Variants in NAALADL2 observed in about 807,000 individuals in gnomAD.
NAALADL2 encodes the protein N-acetylated alpha-linked acidic dipeptidase like 2.
NAALADL2 carries 76 observed loss-of-function variants against 87.2 expected under a neutral mutation model. The ratio of observed to expected loss-of-function variants is 0.87; its 90% CI spans 0.72 to 1.05. The LOEUF (loss-of-function observed/expected upper bound fraction) is 1.05, where lower values mean the gene tolerates loss of function less well. Among genes scored for constraint, NAALADL2 ranks in the 50% least tolerant of loss-of-function variants. The pLI, the probability that NAALADL2 is intolerant of heterozygous loss-of-function variation, is 0.00. For missense variants in NAALADL2, 1,089 were observed against 945.8 expected, an observed-to-expected ratio of 1.15 and a Z score of -1.99; for synonymous variants, 354 against 331.0, an observed-to-expected ratio of 1.07 and a Z score of -0.75.
intron 1 of NAALADL2, among the ~76,000 whole-genome samples, chr3:174,444,108 A>G (rs1714868152): frequency 6.6e-6 from 1 of 152,176 alleles, no homozygotes; most frequent in Non-Finnish European, 1.5e-5. Context: ...TTGTGATACT[A>G]ATGAGAAGGA....
chr3:175,269,963 C>A (rs1752558575), intron 4 of NAALADL2, among the ~76,000 whole-genome samples: 2 of 152,084 alleles, frequency 1.3e-5, no homozygotes, highest in Admixed American at 6.6e-5. Context: ...AAATTAATAA[C>A]TGGTGAAGTC....
intron 5 of NAALADL2, among the ~76,000 whole-genome samples, chr3:175,442,849 T>G (rs2149208158): frequency 6.6e-6 from 1 of 152,330 alleles, no homozygotes; most frequent in Non-Finnish European, 1.5e-5. Context: ...AAGCTAAAAG[T>G]TAAAGTGCTA....
chr3:175,240,389 A>T (rs890424980), intron 3 of NAALADL2, among the ~76,000 whole-genome samples: 6 of 152,194 alleles, frequency 3.9e-5, no homozygotes, highest in African/African-American at 1.4e-4. Flanking sequence ...ATAACCTACA[A>T]TCAGATGCCT....
chr3:175,591,651 TGCCAA>T (rs1721464750), intron 10 of NAALADL2, among the ~76,000 whole-genome samples: 1 of 151,954 alleles, frequency 6.6e-6, no homozygotes, highest in Non-Finnish European at 1.5e-5. Context: ...TGAAGTTCAG[TGCCAA>T]GTAATTTCTG....
intron 3 of NAALADL2, among the ~76,000 whole-genome samples, chr3:174,756,206 TA>T (rs1190005944): frequency 6.6e-6 from 1 of 152,230 alleles, no homozygotes; most frequent in African/African-American, 2.4e-5. Flanking sequence ...AATGTTTCCT[TA>T]AGGAATCATT....
intron 4 of NAALADL2, among the ~76,000 whole-genome samples, chr3:175,262,526 C>G (rs1319186157): frequency 6.6e-6 from 1 of 150,792 alleles, no homozygotes; most frequent in Non-Finnish European, 1.5e-5. Context: ...ATGCAATGGG[C>G]ACAAAAAAGG....
At chr3:175,152,834 G>A (rs1013888049) in intron 2 of NAALADL2, among the ~76,000 whole-genome samples, 2 of 151,948 alleles carry the variant, frequency 1.3e-5, no homozygotes, top group African/African-American at 2.4e-5. Context: ...TTGAACCCAG[G>A]AGGCAGAGGA....
chr3:175,106,080 C>A (rs1257193876), intron 2 of NAALADL2, among the ~76,000 whole-genome samples: 1 of 152,004 alleles, frequency 6.6e-6, no homozygotes, highest in Non-Finnish European at 1.5e-5. Context: ...CATCTCTCTT[C>A]TCCTCAGCCC....
intron 9 of NAALADL2, among the ~76,000 whole-genome samples, chr3:175,508,834 G>T (rs927123080): frequency 6.6e-6 from 1 of 151,918 alleles, no homozygotes; most frequent in African/African-American, 2.4e-5. Context: ...AAGATCAGAG[G>T]ACTATGCGCG....
intron 11 of NAALADL2, among the ~76,000 whole-genome samples, chr3:175,699,553 C>T (rs974794999): frequency 2.0e-5 from 3 of 152,020 alleles, no homozygotes; most frequent in African/African-American, 7.2e-5. Flanking sequence ...CTCTACCCCT[C>T]AGTTACTTGA....
chr3:175,317,353 A>G (rs1240735956), intron 4 of NAALADL2, among the ~76,000 whole-genome samples: 4 of 42,924 alleles, frequency 9.3e-5, no homozygotes, highest in Admixed American at 8.9e-4. Flanking sequence ...TAGCACATTA[A>G]AAAAAAAATG....
intron 2 of NAALADL2, among the ~76,000 whole-genome samples, chr3:175,157,769 A>G (rs1732541323): frequency 6.6e-6 from 1 of 152,108 alleles, no homozygotes; most frequent in Non-Finnish European, 1.5e-5. Context: ...CTCGTAGAAC[A>G]GTGTCTATCC....
At chr3:175,227,036 A>G (rs1310766599) in intron 2 of NAALADL2, among the ~76,000 whole-genome samples, 1 of 152,128 alleles carries the variant, frequency 6.6e-6, no homozygotes, top group African/African-American at 2.4e-5. Flanking sequence ...ATCACCCGGT[A>G]TAGTATGAGT....
intron 1 of NAALADL2, among the ~76,000 whole-genome samples, chr3:174,894,765 C>G (rs954140838): frequency 6.6e-6 from 1 of 151,748 alleles, no homozygotes; most frequent in Non-Finnish European, 1.5e-5. Context: ...ATGGATTATT[C>G]TCAAAAACAG....
intron 1 of NAALADL2, among the ~76,000 whole-genome samples, chr3:174,875,321 G>T (rs538035292): frequency 2.0e-5 from 3 of 152,020 alleles, no homozygotes; most frequent in Non-Finnish European, 4.4e-5. Flanking sequence ...AAAAGCAGGA[G>T]TGAAAAGAGT....
Position 174,897,733 on chromosome 3 carries a change from A to G in NAALADL2, c.43+38283A>G, listed in dbSNP as rs539166296. On this transcript the variant is annotated intron_variant, in intron 1 of 13. Transcript: ENST00000454872. ...TCTGCACTCCTATAATTGTCACAGC[A>G]TTACATACAATAGTTAGGAGCAACC... Among the ~76,000 whole-genome samples, 31 of 152,322 alleles carry G rather than the reference A, an allele frequency of 2.0e-4. 1 individual carries two copies. In the South Asian group the frequency reaches 6.4e-3, roughly 32 times the overall value.
chr3:174,918,526 T>A (rs1734718249), intron 1 of NAALADL2, among the ~76,000 whole-genome samples: 1 of 152,162 alleles, frequency 6.6e-6, no homozygotes, highest in South Asian at 2.1e-4. Context: ...GTTTTGTGGA[T>A]CATCTAGGTG....
chr3:175,247,214 A>G (rs1748148702), intron 3 of NAALADL2, among the ~76,000 whole-genome samples: 1 of 152,100 alleles, frequency 6.6e-6, no homozygotes, highest in African/African-American at 2.4e-5. Context: ...GTGAAATGTA[A>G]ACATTGTATA....
intron 4 of NAALADL2, among the ~76,000 whole-genome samples, chr3:175,303,364 T>C (rs1757319450): frequency 2.0e-5 from 3 of 152,172 alleles, no homozygotes; most frequent in Admixed American, 1.3e-4. Flanking sequence ...AATTAAGTTG[T>C]ATAAAAATCA....
Sources: gnomAD v4.1 joint callset for allele counts (sites outside exome capture counted in the v4.1 genomes callset) on GRCh38, gnomAD v4.1.1 for gene constraint, MANE v1.5 for transcripts, NCBI Gene and HGNC (gene_info 2026-07-23, HGNC 2026-07-21) for gene names.